LINGO2: variants seen among roughly 807,000 people sequenced by gnomAD.
The protein encoded by LINGO2 is leucine-rich repeat and immunoglobulin-like domain-containing nogo receptor-interacting protein 2.
In LINGO2, 14 loss-of-function variants were observed where a neutral mutation model predicts 30.6. The ratio of observed to expected loss-of-function variants is 0.46; its 90% CI spans 0.30 to 0.72. LINGO2 has a LOEUF of 0.72. Among genes scored for constraint, LINGO2 ranks in the 30% least tolerant of loss-of-function variants. The probability of loss-of-function intolerance (pLI) is 0.07; values close to 1 mark genes in which losing one functional copy is unlikely to be tolerated. For missense variants in LINGO2, 729 were observed against 751.7 expected (o/e 0.97, Z 0.35); for synonymous variants, 317 against 288.5 (o/e 1.10, Z -1.00).
intron 1 of LINGO2, among the ~76,000 whole-genome samples, chr9:28,616,738 G>A (rs553631182): frequency 3.9e-5 from 6 of 152,268 alleles, no homozygotes; most frequent in Middle Eastern, 3.4e-3. Context: ...TGCAACAGTC[G>A]GTTATCTAGG....
intron 5 of LINGO2, among the ~76,000 whole-genome samples, chr9:27,999,385 T>A (rs1197940): frequency 0.19 from 29,432 of 151,596 alleles, 3,138 homozygotes; most frequent in African/African-American, 0.3. Context: ...GCCGACGAAC[T>A]GCAGATTTGA....
chr9:28,751,675 G>C, the LINGO2 span, among the ~76,000 whole-genome samples: 3 of 151,814 alleles, frequency 2.0e-5, no homozygotes, highest in Non-Finnish European at 4.4e-5. Context: ...CTAGTGTTTT[G>C]TTTATTTTAT....
At chr9:28,586,746 C>T (rs1824559512) in intron 1 of LINGO2, among the ~76,000 whole-genome samples, 1 of 151,994 alleles carries the variant, frequency 6.6e-6, no homozygotes, top group Non-Finnish European at 1.5e-5. Flanking sequence ...AGAAGGATAA[C>T]TTGGGTTTCT....
chr9:29,149,183 A>C, the LINGO2 span, among the ~76,000 whole-genome samples: 1 of 152,200 alleles, frequency 6.6e-6, no homozygotes, highest in African/African-American at 2.4e-5. Flanking sequence ...CTGACCCATA[A>C]GAAAAATTTA....
chr9:28,328,707 T>C (rs1412362667), intron 3 of LINGO2, among the ~76,000 whole-genome samples: 1 of 152,174 alleles, frequency 6.6e-6, no homozygotes, highest in African/African-American at 2.4e-5. Context: ...ATTTTCTTCA[T>C]TAAGGGAGTA....
At chr9:28,056,350 C>T (rs933005513) in intron 4 of LINGO2, among the ~76,000 whole-genome samples, 1 of 152,114 alleles carries the variant, frequency 6.6e-6, no homozygotes, top group African/African-American at 2.4e-5. Context: ...GCTGTTTACT[C>T]GTACAGCCTC....
chr9:28,010,058 T>C (rs2119235318), intron 5 of LINGO2, among the ~76,000 whole-genome samples: 1 of 152,300 alleles, frequency 6.6e-6, no homozygotes, highest in South Asian at 2.1e-4. Context: ...GGGAATGAAG[T>C]ACTGATTAAC....
the LINGO2 span, among the ~76,000 whole-genome samples, chr9:28,927,643 T>C: frequency 7.9e-5 from 12 of 152,244 alleles, no homozygotes; most frequent in Non-Finnish European, 1.6e-4. Context: ...CAATAGTTTG[T>C]GTGTAATACA....
the LINGO2 span, among the ~76,000 whole-genome samples, chr9:29,094,446 A>C: frequency 7.2e-6 from 1 of 139,430 alleles, no homozygotes; most frequent in Admixed American, 7.3e-5. Flanking sequence ...ATAACAGCAT[A>C]AACAATTCAT....
the LINGO2 span, among the ~76,000 whole-genome samples, chr9:29,143,092 T>C: frequency 6.6e-6 from 1 of 152,054 alleles, no homozygotes; most frequent in Non-Finnish European, 1.5e-5. Flanking sequence ...AACCAAGGAA[T>C]GTAAAGACTT....
In LINGO2 at chr9:28,293,258, C is replaced by A. The variant is rs10968449; in HGVS notation, c.-87+1950G>T. Among the ~76,000 whole-genome samples the A allele has an allele frequency of 0.016, 2,408 of 151,936 alleles. 139 individuals carry two copies. In the East Asian group the frequency reaches 0.19, roughly 12 times the overall value. On this transcript the variant is annotated intron_variant, in intron 4 of 5. Coordinates refer to ENST00000379992, the Ensembl canonical transcript of LINGO2. The stretch of plus-strand genomic sequence containing the variant: ...AACTACAAGCACACACCACCATTCT[C>A]GACTAATTTTTTAAAATTTTATAGA...
At chr9:28,365,946 G>A (rs944096236) in intron 3 of LINGO2, among the ~76,000 whole-genome samples, 1 of 152,084 alleles carries the variant, frequency 6.6e-6, no homozygotes, top group Non-Finnish European at 1.5e-5. Context: ...AGCAAGCCCT[G>A]AGTCAGGAGT....
chr9:28,861,070 T>TACATAAATATATA, the LINGO2 span, among the ~76,000 whole-genome samples: 2 of 87,284 alleles, frequency 2.3e-5, no homozygotes, highest in Admixed American at 2.8e-4. Flanking sequence ...GTATTATTAA[T>TACATAAATATATA]ATATAAATAT....
At chr9:29,211,068 T>A in the LINGO2 span, among the ~76,000 whole-genome samples, 1 of 152,216 alleles carries the variant, frequency 6.6e-6, no homozygotes, top group Non-Finnish European at 1.5e-5. Context: ...TCCTGGAATA[T>A]TCCACACCCG....
chr9:29,189,506 G>C, the LINGO2 span, among the ~76,000 whole-genome samples: 2 of 151,826 alleles, frequency 1.3e-5, no homozygotes, highest in Admixed American at 6.6e-5. Context: ...CGGTGGGGCA[G>C]AGGTGCTCCC....
At chr9:29,010,043 A>G in the LINGO2 span, among the ~76,000 whole-genome samples, 3 of 152,328 alleles carry the variant, frequency 2.0e-5, no homozygotes, top group South Asian at 2.1e-4. Flanking sequence ...GATGGATTAA[A>G]TACTTAAATG....
chr9:28,905,208 G>T, the LINGO2 span, among the ~76,000 whole-genome samples: 28 of 150,610 alleles, frequency 1.9e-4, no homozygotes, highest in Admixed American at 1.9e-3. Context: ...CACGCCATTG[G>T]TCTAGGAAAT....
the LINGO2 span, among the ~76,000 whole-genome samples, chr9:29,017,361 T>C: frequency 1.3e-5 from 2 of 152,194 alleles, no homozygotes; most frequent in Non-Finnish European, 2.9e-5. Context: ...CAGACTTTGA[T>C]TCTCAGCTTT....
At chr9:28,638,463 T>A (rs1255270794) in intron 1 of LINGO2, among the ~76,000 whole-genome samples, 1 of 152,178 alleles carries the variant, frequency 6.6e-6, no homozygotes, top group African/African-American at 2.4e-5. Context: ...CTTTTTTTAG[T>A]TGATAAGCTA....
Sources: gnomAD v4.1 joint callset for allele counts (sites outside exome capture counted in the v4.1 genomes callset) on GRCh38, gnomAD v4.1.1 for gene constraint, MANE v1.5 for transcripts, NCBI Gene and HGNC (gene_info 2026-07-23, HGNC 2026-07-21) for gene names.